EZH2: variants seen among roughly 807,000 people sequenced by gnomAD.
EZH2 encodes the protein histone-lysine N-methyltransferase EZH2.
A neutral mutation model predicts 98.4 loss-of-function variants in EZH2; 18 were observed. The observed-to-expected ratio is 0.18, with a 90% CI of 0.13 to 0.27. The LOEUF (loss-of-function observed/expected upper bound fraction) is 0.27, where lower values mean the gene tolerates loss of function less well. Ranked by LOEUF, EZH2 falls within the 10% of genes least tolerant of loss-of-function variation. The probability of loss-of-function intolerance (pLI) is 1.00; values close to 1 mark genes in which losing one functional copy is unlikely to be tolerated. For synonymous variants in EZH2, 338 were observed against 312.3 expected, an observed-to-expected ratio of 1.08 and a Z score of -0.87; for missense variants, 470 against 935.1, an observed-to-expected ratio of 0.50 and a Z score of 6.49.
intron 19 of EZH2, among the ~76,000 whole-genome samples, chr7:148,808,043 C>G (rs1026500639): frequency 7.2e-5 from 11 of 152,252 alleles, no homozygotes; most frequent in Admixed American, 2.6e-4. Flanking sequence ...ATGCTTAGGC[C>G]TGACGCTGGG....
intron 3 of EZH2, among the ~76,000 whole-genome samples, chr7:148,842,160 T>C (rs1585120711): frequency 6.6e-6 from 1 of 152,162 alleles, no homozygotes; most frequent in East Asian, 1.9e-4. Flanking sequence ...GAAATGTATA[T>C]TGGCAAGATG....
Position 148,807,756 on chromosome 7 carries a change from G to C in EZH2, c.2196-50C>G, listed in dbSNP as rs576481340. 3.1e-6 allele frequency: 4 copies of C among 1,295,662 alleles called. No homozygotes were observed. The East Asian group carries it at 1.0e-4, about 34-fold the overall frequency. 80.3% of individuals were successfully genotyped at this position (1,295,662 alleles called of 1,614,324 possible). A position where few individuals can be genotyped will look rare whatever the true frequency, so the allele number is the denominator to read the frequency against. Reference sequence around the variant, plus strand: ...CGCTGGATGGCCACCCATCCAACATGTGCTGAGACTTAACACAACAAAGCC... The same window carrying C: ...CGCTGGATGGCCACCCATCCAACATCTGCTGAGACTTAACACAACAAAGCC... On this transcript the variant is annotated intron_variant, in intron 19 of 19. Coordinates refer to ENST00000320356, the MANE Select transcript of EZH2 (RefSeq NM_004456.5).
intron 9 of EZH2, 69 bp from the exon 10 acceptor site, chr7:148,818,186 A>C: frequency 5.4e-6 from 8 of 1,476,678 alleles, no homozygotes; most frequent in Non-Finnish European, 7.2e-6. Context: ...AGAAAAAAAA[A>C]TACTATATAA....
chr7:148,825,842 C>T (rs547091569), intron 8 of EZH2, among the ~76,000 whole-genome samples: 8 of 152,096 alleles, frequency 5.3e-5, no homozygotes, highest in Non-Finnish European at 7.4e-5. Context: ...AAGTAGTTGA[C>T]GCTTTTAAAC....
chr7:148,827,945 GTC>G, intron 6 of EZH2, among the ~76,000 whole-genome samples: 1 of 152,110 alleles, frequency 6.6e-6, no homozygotes, highest in East Asian at 1.9e-4. Context: ...GTGAAACCCC[GTC>G]TCTACTAAAA....
In EZH2 at chr7:148,823,583, A is replaced by T. The variant is rs369586990; in HGVS notation, c.907+2871T>A. On this transcript the variant is annotated intron_variant, in intron 8 of 19. Coordinates refer to ENST00000320356, the MANE Select transcript of EZH2 (RefSeq NM_004456.5). ...GGTTAACTACTAATAAAAGTGGAAG[A>T]GTGAGGTAAAATTTCGAAGGATGGG... Among the ~76,000 whole-genome samples the T allele has an allele frequency of 2.0e-5, 3 of 152,230 alleles. No individual in the cohort carries two copies. In the East Asian group the frequency reaches 5.8e-4, roughly 29 times the overall value.
intron 5 of EZH2, among the ~76,000 whole-genome samples, chr7:148,829,150 G>A (rs1011399658): frequency 6.6e-6 from 1 of 152,112 alleles, no homozygotes; most frequent in Admixed American, 6.5e-5. Flanking sequence ...AACTGATTGT[G>A]GCTTTGGCCT....
rs1804315184 is a variant in EZH2, at chr7:148,815,545, A to G, written c.1507T>C (p.Leu503=). 6.2e-7 allele frequency: 1 copy of G among 1,614,056 alleles called. No homozygotes were observed. Among genetic ancestry groups the G allele is most frequent in the Non-Finnish European group, 8.5e-7 (1 of 1,179,986 alleles). ...PPRKKKRKHR[L]WAAHCRKIQL... is the part of the protein sequence containing the mutation. Reference sequence around the variant, plus strand: ...ATCTTTCTGCAGTGTGCAGCCCACAACCTGCAAAAACACAAAGAAAATTAA... The same window carrying G: ...ATCTTTCTGCAGTGTGCAGCCCACAGCCTGCAAAAACACAAAGAAAATTAA... The change falls in exon 13 of 20, where the codon TTG becomes CTG. Residue 503 remains leucine, a splice_region_variant and synonymous_variant. Coordinates refer to ENST00000320356, the MANE Select transcript of EZH2 (RefSeq NM_004456.5).
chr7:148,833,596 G>A (rs999924587), intron 3 of EZH2, among the ~76,000 whole-genome samples: 2 of 152,144 alleles, frequency 1.3e-5, no homozygotes, highest in Non-Finnish European at 2.9e-5. Context: ...AGGGTAATGG[G>A]TTTGTGTTTC....
intron 8 of EZH2, among the ~76,000 whole-genome samples, chr7:148,821,758 C>A (rs945922478): frequency 6.6e-6 from 1 of 152,204 alleles, no homozygotes; most frequent in African/African-American, 2.4e-5. Context: ...CTCAGGAAGT[C>A]AAGGTTGCAG....
At chr7:148,842,225 G>C (rs539328447) in intron 3 of EZH2, among the ~76,000 whole-genome samples, 2 of 152,218 alleles carry the variant, frequency 1.3e-5, no homozygotes, top group South Asian at 4.2e-4. Context: ...CACTATCTAA[G>C]CAAACTTCTC....
At position 148,839,107 on chromosome 7, in the gene EZH2, A is replaced by AGGAAGGAAGGAAGGAAGGTG. The variant is rs1307399209; in HGVS notation, c.247-6358_247-6357insCACCTTCCTTCCTTCCTTCC. 1.7e-4 allele frequency among the ~76,000 whole-genome samples: 26 copies of AGGAAGGAAGGAAGGAAGGTG among 150,178 alleles called. 1 individual carries two copies. The highest frequency in any genetic ancestry group is 6.0e-4 in the African/African-American group (24 of 40,182). ...AAGGAAGGAAGGAAGGAAGGAAGGA[A>AGGAAGGAAGGAAGGAAGGTG]AGTGAGTGAGCAAGATGGCACAGGC... On this transcript the variant is annotated intron_variant, in intron 3 of 19. Coordinates refer to ENST00000320356, the MANE Select transcript of EZH2 (RefSeq NM_004456.5).
intron 5 of EZH2, among the ~76,000 whole-genome samples, chr7:148,829,402 C>A (rs957641392): frequency 6.6e-6 from 1 of 151,994 alleles, no homozygotes; most frequent in Admixed American, 6.6e-5. Context: ...GAAGCAGAGC[C>A]CCAATCCTAA....
At chr7:148,831,404 G>C (rs1440592104) in intron 4 of EZH2, among the ~76,000 whole-genome samples, 1 of 152,098 alleles carries the variant, frequency 6.6e-6, no homozygotes, top group Admixed American at 6.6e-5. Context: ...GTGACACTTA[G>C]ATATTTTGTC....
chr7:148,853,570 G>A (rs1816258422), intron 1 of EZH2, among the ~76,000 whole-genome samples: 1 of 152,194 alleles, frequency 6.6e-6, no homozygotes, highest in Non-Finnish European at 1.5e-5. Context: ...TTCCTAACGG[G>A]CCACAGACGG....
chr7:148,820,388 A>G (rs1364240230), intron 8 of EZH2, among the ~76,000 whole-genome samples: 1 of 152,222 alleles, frequency 6.6e-6, no homozygotes. Flanking sequence ...AATTTCTTGC[A>G]AAAACTTACT....
chr7:148,873,253 A>C (rs1819671393), intron 1 of EZH2, among the ~76,000 whole-genome samples: 1 of 152,098 alleles, frequency 6.6e-6, no homozygotes. Flanking sequence ...GCACTTTGCA[A>C]GGCCAAGGCA....
At position 148,819,611 on chromosome 7, in the gene EZH2, C is replaced by T. The variant is rs1805454439; in HGVS notation, c.984G>A (p.Gln328=). 1.2e-6 allele frequency: 2 copies of T among 1,614,096 alleles called. No homozygotes were observed. The highest frequency in any genetic ancestry group is 1.7e-6 in the Non-Finnish European group (2 of 1,179,936). ...TAAGTCTTACCAAATGCTGGTAACA[C>T]TGTGGTCCACAAGGTTTGTTGTCTA... ...TALDNKPCGP[Q]CYQHLEGAKE... Residue 328 remains glutamine (Q), a synonymous_variant, in exon 9 of 20, where the codon CAG becomes CAA. Coordinates refer to ENST00000320356, the MANE Select transcript of EZH2 (RefSeq NM_004456.5).
chr7:148,859,889 T>A (rs1027728737), intron 1 of EZH2, among the ~76,000 whole-genome samples: 1 of 152,234 alleles, frequency 6.6e-6, no homozygotes, highest in Non-Finnish European at 1.5e-5. Context: ...AGTTGCTTGC[T>A]GGCCCCGTTC....
Sources: gnomAD v4.1 joint callset for allele counts (sites outside exome capture counted in the v4.1 genomes callset) on GRCh38, gnomAD v4.1.1 for gene constraint, MANE v1.5 for transcripts, NCBI Gene and HGNC (gene_info 2026-07-23, HGNC 2026-07-21) for gene names.